The following PPIL2 variants were observed in gnomAD, a reference collection of about 807,000 sequenced individuals.
PPIL2 encodes RING-type E3 ubiquitin-protein ligase PPIL2.
A neutral mutation model predicts 75.2 loss-of-function variants in PPIL2; 50 were observed. The observed-to-expected ratio is 0.66, with a 90% CI of 0.53 to 0.84. The LOEUF (loss-of-function observed/expected upper bound fraction) is 0.84, where lower values mean the gene tolerates loss of function less well. Among genes scored for constraint, PPIL2 ranks in the 40% least tolerant of loss-of-function variants. The pLI is 0.00. For missense variants in PPIL2, 590 were observed against 685.0 expected (o/e 0.86, Z 1.55); for synonymous variants, 245 against 258.8 (o/e 0.95, Z 0.51).
At position 21,666,133 on chromosome 22, in the gene PPIL2, T is replaced by C; in HGVS notation, c.32+2T>C. On this transcript the variant is annotated splice_donor_variant, in intron 1 of 19. Transcript: ENST00000398831. LOFTEE classifies it high-confidence loss of function. ...GCGACAGCACCAAAAGGACAAAATGTAAGTTGAGCCGCAGTCGGGAGCGGC... is the reference window on the plus strand; with the variant it reads ...GCGACAGCACCAAAAGGACAAAATGCAAGTTGAGCCGCAGTCGGGAGCGGC... 5 of 1,613,294 alleles carry C rather than the reference T, an allele frequency of 3.1e-6. No homozygotes were observed. Among genetic ancestry groups the C allele is most frequent in the South Asian group, 1.1e-5 (1 of 91,000 alleles).
At chr22:21,671,565 C>A (rs964428892) in intron 4 of PPIL2, among the ~76,000 whole-genome samples, 8 of 148,082 alleles carry the variant, frequency 5.4e-5, no homozygotes, top group African/African-American at 2.0e-4. Flanking sequence ...TATAGTTTTT[C>A]TTTGTTCTTT....
At chr22:21,688,708 CT>C (rs1282593741) in intron 14 of PPIL2, 23 bp from the exon 15 acceptor site, 2 of 1,604,620 alleles carry the variant, frequency 1.2e-6, no homozygotes, top group Non-Finnish European at 1.7e-6. Context: ...GGCTTTCCTG[CT>C]CCCATGGGCC....
At chr22:21,668,860 T>C (rs112541470) in intron 1 of PPIL2, among the ~76,000 whole-genome samples, 4,081 of 150,678 alleles carry the variant, frequency 0.027, 58 homozygotes, top group South Asian at 0.042. Context: ...TACAGGCGCC[T>C]GCCACCACGC....
chr22:21,688,545 G>C (rs570021466), intron 14 of PPIL2, among the ~76,000 whole-genome samples, 187 bp from the exon 15 acceptor site: 1 of 152,326 alleles, frequency 6.6e-6, no homozygotes, highest in African/African-American at 2.4e-5. Flanking sequence ...CAGCCTGCCT[G>C]TTTGGAGGCG....
intron 5 of PPIL2, among the ~76,000 whole-genome samples, chr22:21,674,354 C>T (rs1234622818): frequency 6.6e-6 from 1 of 152,186 alleles, no homozygotes; most frequent in African/African-American, 2.4e-5. Context: ...TTACCTGCCA[C>T]CTGGGGTAGG....
chr22:21,677,500 GCCT>G (rs2066924282), intron 6 of PPIL2, among the ~76,000 whole-genome samples: 2 of 152,238 alleles, frequency 1.3e-5, no homozygotes, highest in African/African-American at 4.8e-5. Context: ...CTGGAGACCA[GCCT>G]GGCCAACACA....
Position 21,684,647 on chromosome 22 carries a change from C to T in PPIL2, c.554-106C>T, listed in dbSNP as rs540574721. The T allele has an allele frequency of 1.5e-4, 213 of 1,395,824 alleles. 5 individuals carry two copies. The South Asian group carries it at 2.4e-3, about 16-fold the overall frequency. 86.5% of individuals were successfully genotyped at this position (1,395,824 alleles called of 1,614,324 possible). On this transcript the variant is annotated intron_variant, in intron 9 of 19. Transcript: ENST00000398831. The stretch of plus-strand genomic sequence containing the variant: ...GTGGCTGGCAGTGGCACGGTGCCTG[C>T]GCCATGGCTGGACGGCCCTGGGCTA...
rs2067389357 is a variant in PPIL2, at chr22:21,686,903, G to A, written c.802G>A (p.Glu268Lys). 2.5e-6 allele frequency: 4 copies of A among 1,614,038 alleles called. No individual in the cohort carries two copies. Among genetic ancestry groups the A allele is most frequent in the Non-Finnish European group, 3.4e-6 (4 of 1,180,014 alleles). ...ETTHEAAAID[E>K]DVLRYQFVKK... ...ACCTTGGCTTGTAGCTGCCATCGAC[G>A]AGGATGTGCTGCGCTACCAGTTTGT... The change falls in exon 12 of 20, where the codon GAG (glutamate) becomes AAG (lysine). Residue 268 changes from glutamate (E) to lysine (K), a missense_variant. Glu to Lys is a moderately conservative substitution (Grantham distance 56, BLOSUM62 1). Coordinates refer to ENST00000398831, the MANE Select transcript of PPIL2 (RefSeq NM_014337.4).
At chr22:21,690,957 CTTTTTT>C (rs34639269) in intron 15 of PPIL2, among the ~76,000 whole-genome samples, 6 of 64,706 alleles carry the variant, frequency 9.3e-5, no homozygotes, top group Non-Finnish European at 1.7e-4. Context: ...GCCACCTTCT[CTTTTTT>C]TTTTTTTTTT....
rs2066565465 is a variant in PPIL2, at chr22:21,669,946, T to A, written c.66T>A (p.Tyr22Ter). The A allele has an allele frequency of 6.2e-7, 1 of 1,613,914 alleles. No homozygotes were observed. Among genetic ancestry groups the A allele is most frequent in the Non-Finnish European group, 8.5e-7 (1 of 1,179,878 alleles). Residue 22 changes from tyrosine to a stop codon, truncating the protein, a stop_gained, in exon 2 of 20, where the codon TAT becomes TAA. Transcript: ENST00000398831. LOFTEE classifies it high-confidence loss of function. ...CCTGTGCTGAATACACTCACTTTTA[T>A]GGTGGCAAGAAGCCAGGTAAGGCAT... ...YITCAEYTHF[Y>*]GGKKPDLPQT...
At chr22:21,685,609 T>G (rs1440711605) in intron 10 of PPIL2, 2 of 450,700 alleles carry the variant, frequency 4.4e-6, no homozygotes, top group Non-Finnish European at 8.9e-6. Context: ...CACTTTGATA[T>G]ATTACTTTTT....
chr22:21,671,868 T>C (rs529447718), intron 4 of PPIL2, among the ~76,000 whole-genome samples: 41 of 152,156 alleles, frequency 2.7e-4, no homozygotes, highest in African/African-American at 9.4e-4. Flanking sequence ...CTGGGCAACA[T>C]GGTGAGAACC....
rs138021295 is a variant in PPIL2 at position 21,688,019 on chromosome 22, C to T, written c.988-54C>T. ...GAGGGGTGTCCTTCAGTCAGGCAGGCGGTGGGCCTCGGGTCTCAGAGTGTG... is the reference window on the plus strand; with the variant it reads ...GAGGGGTGTCCTTCAGTCAGGCAGGTGGTGGGCCTCGGGTCTCAGAGTGTG... On this transcript the variant is annotated intron_variant, in intron 13 of 19. Transcript: ENST00000398831. 215 of 1,610,076 alleles carry T rather than the reference C, an allele frequency of 1.3e-4. 2 individuals carry two copies. The African/African-American group carries it at 2.5e-3, about 18-fold the overall frequency.
chr22:21,670,893 G>T (rs1238025264), intron 3 of PPIL2, 104 bp from the exon 4 acceptor site: 8 of 1,161,274 alleles, frequency 6.9e-6, no homozygotes, highest in Non-Finnish European at 1.0e-5. Context: ...CCCAGAGAGG[G>T]CTCCCTGGGA....
intron 12 of PPIL2, 64 bp downstream of exon 12, chr22:21,687,062 G>A: frequency 7.0e-7 from 1 of 1,438,068 alleles, no homozygotes; most frequent in Non-Finnish European, 9.8e-7. Flanking sequence ...TGACAGCCAT[G>A]TCTTAAATAT....
At chr22:21,681,196 G>A (rs1240341116) in intron 6 of PPIL2, 103 bp from the exon 7 acceptor site, 5 of 921,686 alleles carry the variant, frequency 5.4e-6, no homozygotes, top group African/African-American at 3.2e-5. Flanking sequence ...TCCTCCCATC[G>A]CTGACTTTGG....
At chr22:21,686,840 T>G (rs2148551942) in intron 11 of PPIL2, 52 bp from the exon 12 acceptor site, 1 of 1,549,900 alleles carries the variant, frequency 6.5e-7, no homozygotes, top group East Asian at 2.2e-5. Flanking sequence ...CCTGGCATGG[T>G]GGGGCTGCCC....
chr22:21,666,183 C>A, intron 1 of PPIL2, 52 bp downstream of exon 1: 1 of 1,571,876 alleles, frequency 6.4e-7, no homozygotes, highest in Non-Finnish European at 8.7e-7. Flanking sequence ...CAGTGAACCG[C>A]CTGTCCCGCA....
intron 16 of PPIL2, 31 bp downstream of exon 16, chr22:21,693,903 G>C (rs199825669): frequency 6.6e-7 from 1 of 1,524,196 alleles, no homozygotes; most frequent in East Asian, 2.3e-5. Flanking sequence ...AAGCCTGGGG[G>C]GTCAGTGGGC....
Sources: gnomAD v4.1 joint callset for allele counts (sites outside exome capture counted in the v4.1 genomes callset) on GRCh38, gnomAD v4.1.1 for gene constraint, MANE v1.5 for transcripts, NCBI Gene and HGNC (gene_info 2026-07-23, HGNC 2026-07-21) for gene names.